Variants in MAP2K2 observed in about 807,000 individuals in gnomAD.
MAP2K2 encodes the protein mitogen-activated protein kinase kinase 2.
A neutral mutation model predicts 43.7 loss-of-function variants in MAP2K2; 24 were observed. That is an observed-to-expected ratio of 0.55 (90% CI 0.40 to 0.77). The LOEUF (loss-of-function observed/expected upper bound fraction) is 0.77, where lower values mean the gene tolerates loss of function less well. MAP2K2 is among the 30% of genes least tolerant of loss of function. The pLI is 0.00. For missense variants in MAP2K2, 470 were observed against 566.8 expected (o/e 0.83, Z 1.73); for synonymous variants, 244 against 239.7 (o/e 1.02, Z -0.17).
intron 3 of MAP2K2, among the ~76,000 whole-genome samples, chr19:4,108,591 C>T (rs2041117360): frequency 6.6e-6 from 1 of 152,094 alleles, no homozygotes; most frequent in Non-Finnish European, 1.5e-5. Context: ...ATAACACAGA[C>T]AGCACGGCCT....
chr19:4,106,449 G>T (rs986720358), intron 3 of MAP2K2, among the ~76,000 whole-genome samples: 2 of 152,082 alleles, frequency 1.3e-5, no homozygotes, highest in African/African-American at 4.8e-5. Flanking sequence ...TCTTGCTGTC[G>T]CCAGGCTGGA....
chr19:4,123,710 C>T, intron 1 of MAP2K2, 74 bp downstream of exon 1: 1 of 1,210,482 alleles, frequency 8.3e-7, no homozygotes, highest in South Asian at 1.4e-5. Flanking sequence ...AACCCCCGTC[C>T]CCTCGCCCCG....
At chr19:4,098,110 C>T (rs998651841) in intron 7 of MAP2K2, among the ~76,000 whole-genome samples, 2 of 152,212 alleles carry the variant, frequency 1.3e-5, no homozygotes, top group Non-Finnish European at 2.9e-5. Flanking sequence ...AAATACTACT[C>T]AGCCTTTCAA....
At chr19:4,110,991 G>A (rs778717006) in intron 2 of MAP2K2, among the ~76,000 whole-genome samples, 9 of 152,174 alleles carry the variant, frequency 5.9e-5, no homozygotes, top group Non-Finnish European at 8.8e-5. Flanking sequence ...CGGCCACAGC[G>A]TGGGTGAACC....
At chr19:4,114,620 G>A (rs528380748) in intron 2 of MAP2K2, among the ~76,000 whole-genome samples, 1 of 152,362 alleles carries the variant, frequency 6.6e-6, no homozygotes, top group Admixed American at 6.5e-5. Flanking sequence ...CCACGGTCAA[G>A]CCAAAAAGAC....
intron 2 of MAP2K2, among the ~76,000 whole-genome samples, chr19:4,112,430 G>C (rs1237105734): frequency 6.6e-6 from 1 of 152,234 alleles, no homozygotes; most frequent in Non-Finnish European, 1.5e-5. Flanking sequence ...GAGGGACAAA[G>C]AGCCGCCTGT....
At chr19:4,097,245 GGAAAA>G (rs2040932149) in intron 8 of MAP2K2, 29 bp downstream of exon 8, 6 of 1,341,682 alleles carry the variant, frequency 4.5e-6, no homozygotes, top group Non-Finnish European at 6.3e-6. Flanking sequence ...AGAAAGAAAA[GGAAAA>G]GAAAAGCCAA....
intron 2 of MAP2K2, among the ~76,000 whole-genome samples, chr19:4,111,087 GC>G (rs2041148557): frequency 6.6e-6 from 1 of 152,208 alleles, no homozygotes; most frequent in Admixed American, 6.5e-5. Flanking sequence ...TCCAGGACAG[GC>G]TGATCCAGAG....
chr19:4,112,807 G>A (rs780599102), intron 2 of MAP2K2, among the ~76,000 whole-genome samples: 3 of 152,208 alleles, frequency 2.0e-5, no homozygotes, highest in African/African-American at 7.2e-5. Context: ...AGCACCCCAG[G>A]ATGCTCTCCC....
chr19:4,107,711 AC>A (rs955153917), intron 3 of MAP2K2, among the ~76,000 whole-genome samples: 1 of 151,032 alleles, frequency 6.6e-6, no homozygotes, highest in Non-Finnish European at 1.5e-5. Flanking sequence ...TGTACCCCCT[AC>A]CCCCCACAAA....
chr19:4,108,602 G>T (rs1378513329), intron 3 of MAP2K2, among the ~76,000 whole-genome samples: 2 of 152,080 alleles, frequency 1.3e-5, no homozygotes, highest in African/African-American at 4.8e-5. Context: ...AGCACGGCCT[G>T]TGTCTCCCTC....
At position 4,099,186 on chromosome 19, in the gene MAP2K2, A is replaced by G. The variant is rs1013378717; in HGVS notation, c.919+15T>C. The G allele has an allele frequency of 4.4e-6, 7 of 1,590,596 alleles. No homozygotes were observed. The highest frequency in any genetic ancestry group is 1.8e-4 in the Middle Eastern group (1 of 5,516). On this transcript the variant is annotated intron_variant, in intron 7 of 10. Transcript: ENST00000262948. ...ACTGCGCGTCCAGACCGGAAGTTGC[A>G]GATTCAGGCCGTACCGCTGACGGGG...
chr19:4,099,073 A>C, intron 7 of MAP2K2, 128 bp downstream of exon 7: 1 of 783,748 alleles, frequency 1.3e-6, no homozygotes, highest in Middle Eastern at 3.6e-4. Context: ...TGCTGACCAC[A>C]GTCGGCACCA....
chr19:4,093,177 C>T (rs569065379), intron 10 of MAP2K2, among the ~76,000 whole-genome samples: 1 of 152,134 alleles, frequency 6.6e-6, no homozygotes, highest in South Asian at 2.1e-4. Context: ...GAGATCGTAC[C>T]ACTGCACTCC....
rs1386723938 is a variant in MAP2K2 at position 4,123,825 on chromosome 19, G to A, written c.51C>T (p.Thr17=). ...TGGTAGGGGATGGGCCCTCGGCGAT[G>A]GTAGGGTTGATGGTGAGCGCCGGCA... is the stretch of plus-strand genomic sequence containing the variant. ...PVLPALTINP[T]IAEGPSPTSE... Residue 17 remains threonine (T), a synonymous_variant, in exon 1 of 11, where the codon ACC becomes ACT. Coordinates refer to ENST00000262948, the MANE Select transcript of MAP2K2 (RefSeq NM_030662.4). 1.3e-6 allele frequency: 2 copies of A among 1,565,898 alleles called. No individual in the cohort carries two copies. The highest frequency in any genetic ancestry group is 1.7e-6 in the Non-Finnish European group (2 of 1,161,324).
chr19:4,097,468 C>T (rs1475814368), intron 7 of MAP2K2, 125 bp from the exon 8 acceptor site: 30 of 734,390 alleles, frequency 4.1e-5, no homozygotes, highest in African/African-American at 1.9e-4. Context: ...AAATTGGAGG[C>T]GGGTGTGCAG....
intron 2 of MAP2K2, among the ~76,000 whole-genome samples, chr19:4,116,438 G>A (rs553532062): frequency 2.5e-4 from 38 of 152,224 alleles, no homozygotes; most frequent in African/African-American, 9.1e-4. Context: ...GCTGAGGCAG[G>A]AGAATCCCTT....
At chr19:4,102,267 G>GA in intron 4 of MAP2K2, 109 bp downstream of exon 4, 3 of 945,384 alleles carry the variant, frequency 3.2e-6, no homozygotes, top group Admixed American at 2.0e-5. Flanking sequence ...TTCTGCAGGG[G>GA]CCACCCTAAC....
chr19:4,097,087 G>A (rs1352836098), intron 8 of MAP2K2, among the ~76,000 whole-genome samples, 192 bp downstream of exon 8: 4 of 150,728 alleles, frequency 2.7e-5, no homozygotes, highest in Admixed American at 6.6e-5. Flanking sequence ...CCAGCTACTC[G>A]GGAGGCTGAG....
Sources: gnomAD v4.1 joint callset for allele counts (sites outside exome capture counted in the v4.1 genomes callset) on GRCh38, gnomAD v4.1.1 for gene constraint, MANE v1.5 for transcripts, NCBI Gene and HGNC (gene_info 2026-07-23, HGNC 2026-07-21) for gene names.